RASGRP3: variants seen among roughly 807,000 people sequenced by gnomAD.
The protein encoded by RASGRP3 is ras guanyl-releasing protein 3.
A neutral mutation model predicts 82.7 loss-of-function variants in RASGRP3; 54 were observed. The observed-to-expected ratio is 0.65, with a 90% CI of 0.52 to 0.82. The LOEUF (loss-of-function observed/expected upper bound fraction) is 0.82. Among genes scored for constraint, RASGRP3 ranks in the 40% least tolerant of loss-of-function variants. The pLI, the probability that RASGRP3 is intolerant of heterozygous loss-of-function variation, is 0.00. For synonymous variants in RASGRP3, 309 were observed against 300.5 expected, an observed-to-expected ratio of 1.03 and a Z score of -0.29; for missense variants, 861 against 828.9, an observed-to-expected ratio of 1.04 and a Z score of -0.48.
intron 14 of RASGRP3, among the ~76,000 whole-genome samples, chr2:33,552,319 A>G (rs1178991626): frequency 6.6e-6 from 1 of 152,218 alleles, no homozygotes; most frequent in East Asian, 1.9e-4. Context: ...CTATCTGTAA[A>G]AGGGAGTTAA....
At chr2:33,541,624 G>C (rs1674287055) in intron 12 of RASGRP3, among the ~76,000 whole-genome samples, 2 of 147,182 alleles carry the variant, frequency 1.4e-5, no homozygotes, top group African/African-American at 4.9e-5. Context: ...TTTCTGTAAT[G>C]ATTAGCTGAG....
rs201792135 is a variant in RASGRP3 at position 33,514,714 on chromosome 2, C to CA, written c.-127-288dup. 5.1e-3 allele frequency among the ~76,000 whole-genome samples: 765 copies of CA among 150,908 alleles called. 1 individual carries two copies. The highest frequency in any genetic ancestry group is 8.2e-3 in the Non-Finnish European group (553 of 67,678). On this transcript the variant is annotated intron_variant, in intron 2 of 17. Coordinates refer to ENST00000403687, the MANE Select transcript of RASGRP3 (RefSeq NM_001139488.2). The stretch of plus-strand genomic sequence containing the variant: ...TCTCAAAAACAAGAACAAAAACAAT[C>CA]AAAAAAAAGGATATAAGGAAAGTAT...
chr2:33,559,326 A>G (rs1676388598), intron 17 of RASGRP3, among the ~76,000 whole-genome samples: 1 of 152,338 alleles, frequency 6.6e-6, no homozygotes, highest in Non-Finnish European at 1.5e-5. Flanking sequence ...ACCCATGACT[A>G]TATATCCAAA....
rs192226542 is a variant in RASGRP3 at position 33,532,771 on chromosome 2, C to T, written c.1084-1552C>T. 1.5e-4 allele frequency: 23 copies of T among 152,228 alleles called. 1 individual carries two copies. The South Asian group carries it at 2.7e-3, about 18-fold the overall frequency. The allele number at this position is 152,228 out of a possible 1,614,324, so 9.4% of individuals were successfully genotyped here. A position where few individuals can be genotyped will look rare whatever the true frequency, so the allele number is the denominator to read the frequency against. On this transcript the variant is annotated intron_variant, in intron 10 of 17. Transcript: ENST00000403687. Reference sequence around the variant, plus strand: ...TGTGACAAAGTGCAGGTAAAAGAAACGTGACCTGATTATGAAGTCCTTAAT... The same window carrying T: ...TGTGACAAAGTGCAGGTAAAAGAAATGTGACCTGATTATGAAGTCCTTAAT...
chr2:33,508,357 G>GA lies in RASGRP3; in HGVS notation c.-260-3345dup, dbSNP rs201994693. Among the ~76,000 whole-genome samples, 48 of 152,076 alleles carry GA rather than the reference G, an allele frequency of 3.2e-4. No individual in the cohort carries two copies. In the East Asian group the frequency reaches 7.1e-3, roughly 23 times the overall value. ...ATCTTTAAGTGCTAAGAATTAGCAG[G>GA]AAAAAAAATATTGGAGGAAGAGGCA... On this transcript the variant is annotated intron_variant, in intron 1 of 17. Coordinates refer to ENST00000403687, the MANE Select transcript of RASGRP3 (RefSeq NM_001139488.2).
At position 33,501,868 on chromosome 2, in the gene RASGRP3, A is replaced by G. The variant is rs1047351014; in HGVS notation, c.-260-9842A>G. Among the ~76,000 whole-genome samples, 6 of 152,324 alleles carry G rather than the reference A, an allele frequency of 3.9e-5. No homozygotes were observed. In the South Asian group the frequency reaches 8.3e-4, roughly 21 times the overall value. On this transcript the variant is annotated intron_variant, in intron 1 of 17. Coordinates refer to ENST00000403687, the MANE Select transcript of RASGRP3 (RefSeq NM_001139488.2). ...GCCAGGAAAACCAACCAAAAGGAGA[A>G]TTTAAGGGAGGGTGTGGTCAAGAAG...
Position 33,495,235 on chromosome 2 carries a change from G to A in RASGRP3, c.-260-16475G>A, listed in dbSNP as rs183294614. Among the ~76,000 whole-genome samples the A allele has an allele frequency of 2.0e-5, 3 of 152,330 alleles. No individual in the cohort carries two copies. In the East Asian group the frequency reaches 5.8e-4, roughly 29 times the overall value. Reference sequence around the variant, plus strand: ...TTTTGGCACAAGGGACAGATTTCGTGGAAGACTGTTTTTCCACAGACAGGG... The same window carrying A: ...TTTTGGCACAAGGGACAGATTTCGTAGAAGACTGTTTTTCCACAGACAGGG... On this transcript the variant is annotated intron_variant, in intron 1 of 17. Transcript: ENST00000403687.
chr2:33,494,970 A>G (rs1471600810), intron 1 of RASGRP3, among the ~76,000 whole-genome samples: 1 of 152,250 alleles, frequency 6.6e-6, no homozygotes, highest in Non-Finnish European at 1.5e-5. Context: ...TTCAGGCAAG[A>G]GGTGAAATTT....
intron 1 of RASGRP3, among the ~76,000 whole-genome samples, chr2:33,440,203 A>AG (rs767602535): frequency 6.6e-6 from 1 of 152,068 alleles, no homozygotes; most frequent in Non-Finnish European, 1.5e-5. Context: ...AAAACAGCTT[A>AG]GGAGGGAGGT....
At chr2:33,473,386 A>C (rs1431241336), upstream of RASGRP3, among the ~76,000 whole-genome samples, 3 of 152,026 alleles carry the variant, frequency 2.0e-5, no homozygotes, top group African/African-American at 7.3e-5. Context: ...CCGTCTCAAA[A>C]AAAAAAGCAA....
chr2:33,489,909 G>T (rs1191124286), intron 1 of RASGRP3, among the ~76,000 whole-genome samples: 3 of 152,178 alleles, frequency 2.0e-5, no homozygotes, highest in African/African-American at 7.2e-5. Context: ...CCTGGGACTT[G>T]GGAAGTTCAT....
chr2:33,444,883 G>A (rs1039610768), intron 1 of RASGRP3, among the ~76,000 whole-genome samples: 5 of 152,104 alleles, frequency 3.3e-5, no homozygotes, highest in Non-Finnish European at 4.4e-5. Flanking sequence ...TGAATTTTAG[G>A]TATAGGAATA....
chr2:33,472,897 T>C (rs1056170458), upstream of RASGRP3, among the ~76,000 whole-genome samples: 2 of 125,130 alleles, frequency 1.6e-5, no homozygotes, highest in Non-Finnish European at 3.4e-5. Flanking sequence ...AAGCAAAAAG[T>C]GTCGGTTGCC....
At chr2:33,533,178 T>G (rs1673267317) in intron 10 of RASGRP3, 1 of 152,262 alleles carries the variant, frequency 6.6e-6, no homozygotes, top group Middle Eastern at 3.2e-3. Context: ...TCAGGTTTAT[T>G]TTAAGCCTCA....
intron 1 of RASGRP3, among the ~76,000 whole-genome samples, chr2:33,492,540 C>T (rs943944653): frequency 2.0e-5 from 3 of 152,136 alleles, no homozygotes; most frequent in African/African-American, 7.2e-5. Context: ...GAGGTAATTA[C>T]GGTTAAACAA....
chr2:33,555,251 C>G (rs968973062), intron 14 of RASGRP3: 1 of 272,056 alleles, frequency 3.7e-6, no homozygotes. Context: ...TTGCTGAGAG[C>G]GCATCAGGCC....
intron 1 of RASGRP3, among the ~76,000 whole-genome samples, chr2:33,443,354 AG>A (rs1665329454): frequency 6.6e-6 from 1 of 152,172 alleles, no homozygotes; most frequent in Non-Finnish European, 1.5e-5. Context: ...CAGTTAAGTA[AG>A]GCAGGTATTA....
intron 1 of RASGRP3, among the ~76,000 whole-genome samples, chr2:33,444,954 T>C (rs1665425952): frequency 2.0e-5 from 3 of 152,258 alleles, no homozygotes; most frequent in African/African-American, 4.8e-5. Flanking sequence ...ATGCTCCTAA[T>C]AGTGCCTACA....
upstream of RASGRP3, chr2:33,476,134 C>T (rs564110946): frequency 6.6e-6 from 1 of 152,422 alleles, no homozygotes; most frequent in Admixed American, 6.5e-5. Flanking sequence ...CCTTCCCCAG[C>T]ACCAGCCACC....
Sources: gnomAD v4.1 joint callset for allele counts (sites outside exome capture counted in the v4.1 genomes callset) on GRCh38, gnomAD v4.1.1 for gene constraint, MANE v1.5 for transcripts, NCBI Gene and HGNC (gene_info 2026-07-23, HGNC 2026-07-21) for gene names.